Variants in CTNNA2 observed in about 807,000 individuals in gnomAD.
CTNNA2 encodes the protein catenin alpha 2.
In CTNNA2, 42 loss-of-function variants were observed where a neutral mutation model predicts 101.0. The ratio of observed to expected loss-of-function variants is 0.42; its 90% CI spans 0.32 to 0.54. The LOEUF is 0.54. CTNNA2 is among the 20% of genes least tolerant of loss of function. CTNNA2 has a pLI of 0.14. For missense variants in CTNNA2, 871 were observed against 1,223.1 expected (o/e 0.71, Z 4.29); for synonymous variants, 450 against 456.4 (o/e 0.99, Z 0.18).
chr2:80,077,141 G>A (rs1698810282), intron 7 of CTNNA2, among the ~76,000 whole-genome samples: 1 of 152,158 alleles, frequency 6.6e-6, no homozygotes, highest in Admixed American at 6.5e-5. Context: ...TGGAACAACT[G>A]TAACTCTCAT....
chr2:80,633,196 CATTAAAAG>C (rs1165634187), intron 18 of CTNNA2, among the ~76,000 whole-genome samples: 2 of 152,106 alleles, frequency 1.3e-5, no homozygotes, highest in Admixed American at 1.3e-4. Context: ...CTGCATGACA[CATTAAAAG>C]ATTATGTTTT....
intron 2 of CTNNA2, among the ~76,000 whole-genome samples, chr2:79,207,657 G>A (rs1296088313): frequency 1.1e-4 from 16 of 152,144 alleles, no homozygotes; most frequent in Admixed American, 1.0e-3. Context: ...TGGTGGTTCG[G>A]GGCTTTTTAG....
intron 7 of CTNNA2, among the ~76,000 whole-genome samples, chr2:80,131,546 A>G (rs1035623173): frequency 1.3e-5 from 2 of 152,190 alleles, no homozygotes; most frequent in African/African-American, 4.8e-5. Flanking sequence ...TCATCACTGC[A>G]CTAGAACCTA....
chr2:80,091,129 A>G (rs774289514), intron 7 of CTNNA2, among the ~76,000 whole-genome samples: 6 of 152,074 alleles, frequency 3.9e-5, no homozygotes, highest in South Asian at 2.1e-4. Context: ...CATGCTTATA[A>G]TAATTAGATT....
chr2:79,612,717 CA>C (rs1678363722), intron 1 of CTNNA2, among the ~76,000 whole-genome samples: 1 of 152,018 alleles, frequency 6.6e-6, no homozygotes, highest in Non-Finnish European at 1.5e-5. Flanking sequence ...ATTTTTACAA[CA>C]TAATTTATCC....
chr2:80,246,594 C>G (rs898262473), intron 7 of CTNNA2, among the ~76,000 whole-genome samples: 7 of 152,048 alleles, frequency 4.6e-5, no homozygotes, highest in African/African-American at 1.7e-4. Context: ...TCTTAGGAAG[C>G]CAAAACCAAA....
chr2:79,917,120 G>A (rs1226146218), intron 7 of CTNNA2, among the ~76,000 whole-genome samples: 2 of 151,660 alleles, frequency 1.3e-5, no homozygotes, highest in Admixed American at 6.6e-5. Context: ...TGGCCAGGCT[G>A]TAGTGGAGTG....
intron 7 of CTNNA2, among the ~76,000 whole-genome samples, chr2:80,388,590 T>G (rs1230870649): frequency 2.6e-5 from 4 of 152,334 alleles, no homozygotes; most frequent in South Asian, 4.1e-4. Context: ...ATGATAAGGT[T>G]GGAGTCTAGA....
chr2:80,269,195 C>T (rs760499067), intron 7 of CTNNA2, among the ~76,000 whole-genome samples: 9 of 152,290 alleles, frequency 5.9e-5, no homozygotes, highest in Non-Finnish European at 1.0e-4. Flanking sequence ...ATAATCCCCA[C>T]GTGTGGTGGC....
chr2:80,436,681 T>G (rs1239109490), intron 9 of CTNNA2, among the ~76,000 whole-genome samples: 1 of 152,092 alleles, frequency 6.6e-6, no homozygotes, highest in Non-Finnish European at 1.5e-5. Flanking sequence ...ACCAGCAGAT[T>G]TAGTGTCTGG....
intron 2 of CTNNA2, among the ~76,000 whole-genome samples, chr2:79,304,829 G>A (rs904097575): frequency 1.3e-5 from 2 of 152,130 alleles, no homozygotes; most frequent in African/African-American, 4.8e-5. Flanking sequence ...TGGCACTTGG[G>A]CTCATAAAAG....
At chr2:79,788,457 A>G (rs766311282) in intron 3 of CTNNA2, among the ~76,000 whole-genome samples, 2 of 152,190 alleles carry the variant, frequency 1.3e-5, no homozygotes, top group African/African-American at 2.4e-5. Context: ...GAATAAATTC[A>G]GTTATAAATA....
chr2:80,447,240 A>T (rs1428125090), intron 9 of CTNNA2, among the ~76,000 whole-genome samples: 2 of 152,074 alleles, frequency 1.3e-5, no homozygotes, highest in Non-Finnish European at 2.9e-5. Context: ...GCTGTAGTAC[A>T]TTTTTTTCCA....
intron 2 of CTNNA2, among the ~76,000 whole-genome samples, chr2:79,306,762 C>A (rs909267318): frequency 9.2e-5 from 14 of 152,180 alleles, no homozygotes; most frequent in Non-Finnish European, 1.9e-4. Context: ...CCAGTGTTTT[C>A]AACATTCTCA....
In CTNNA2 at chr2:79,249,389, T is replaced by C. The variant is rs968178137; in HGVS notation, c.-406+51313T>C. On this transcript the variant is annotated intron_variant, in intron 2 of 21. Coordinates refer to the CTNNA2 transcript ENST00000466387. The stretch of plus-strand genomic sequence containing the variant: ...CTTAGTTATTTGGAGTTAGTTCTCA[T>C]TGGAGCCAGGAGTGACCTCAGAATG... Among the ~76,000 whole-genome samples the C allele has an allele frequency of 5.5e-5, 8 of 144,610 alleles. No homozygotes were observed. In the South Asian group the frequency reaches 1.1e-3, roughly 21 times the overall value. The allele number at this position is 144,610 out of a possible 152,430, so 94.9% of individuals were successfully genotyped here.
intron 1 of CTNNA2, among the ~76,000 whole-genome samples, chr2:79,564,246 T>C (rs1674970146): frequency 6.6e-6 from 1 of 150,956 alleles, no homozygotes; most frequent in Admixed American, 6.6e-5. Flanking sequence ...AATATATTAT[T>C]TTAAAAATTA....
chr2:80,530,739 C>T (rs1690465883), intron 9 of CTNNA2, among the ~76,000 whole-genome samples: 2 of 152,158 alleles, frequency 1.3e-5, no homozygotes, highest in Non-Finnish European at 2.9e-5. Flanking sequence ...GAGCCTAAGA[C>T]AGCAGATATG....
chr2:80,538,327 A>G (rs2149610773), intron 9 of CTNNA2, among the ~76,000 whole-genome samples: 1 of 152,180 alleles, frequency 6.6e-6, no homozygotes, highest in Admixed American at 6.5e-5. Context: ...GGTATTGCCT[A>G]GGTTTTCTTC....
At chr2:79,605,240 C>T (rs942075116) in intron 1 of CTNNA2, among the ~76,000 whole-genome samples, 3 of 151,918 alleles carry the variant, frequency 2.0e-5, no homozygotes, top group African/African-American at 4.8e-5. Flanking sequence ...GTGGTAGATT[C>T]GCCATGATAG....
Sources: allele counts gnomAD v4.1 joint callset (sites outside exome capture counted in the v4.1 genomes callset), GRCh38; gene constraint gnomAD v4.1.1; transcripts MANE v1.5; gene names NCBI Gene and HGNC (gene_info 2026-07-23, HGNC 2026-07-21).